The following CLVS1 variants were observed in gnomAD, a reference collection of about 807,000 sequenced individuals.
CLVS1 encodes the protein clavesin 1.
CLVS1 carries 10 observed loss-of-function variants against 33.1 expected under a neutral mutation model. The observed-to-expected ratio is 0.30, with a 90% confidence interval of 0.19 to 0.51. CLVS1 has a LOEUF of 0.51. Among genes scored for constraint, CLVS1 ranks in the 20% least tolerant of loss-of-function variants. The probability of loss-of-function intolerance (pLI) is 0.97; values close to 1 mark genes in which losing one functional copy is unlikely to be tolerated. For missense variants in CLVS1, 343 were observed against 433.4 expected (o/e 0.79, Z 1.85); for synonymous variants, 163 against 166.1 (o/e 0.98, Z 0.14).
At chr8:61,224,477 A>G (rs975027423) in intron 2 of CLVS1, among the ~76,000 whole-genome samples, 3 of 152,146 alleles carry the variant, frequency 2.0e-5, no homozygotes, top group Admixed American at 6.5e-5. Context: ...GGCCCTATTC[A>G]TCTGATTCAC....
intron 2 of CLVS1, among the ~76,000 whole-genome samples, chr8:61,160,450 A>G (rs1408197782): frequency 6.6e-6 from 1 of 152,162 alleles, no homozygotes; most frequent in African/African-American, 2.4e-5. Flanking sequence ...ATGCCTGCCA[A>G]CTCTGGCAGC....
the CLVS1 span, among the ~76,000 whole-genome samples, chr8:60,977,933 G>A: frequency 6.6e-6 from 1 of 152,204 alleles, no homozygotes; most frequent in East Asian, 1.9e-4. Flanking sequence ...AACTTGTTCT[G>A]TACAAGGAAT....
At chr8:61,028,896 C>G in the CLVS1 span, among the ~76,000 whole-genome samples, 7 of 152,216 alleles carry the variant, frequency 4.6e-5, no homozygotes, top group African/African-American at 1.4e-4. Flanking sequence ...GGAGCTTCCT[C>G]TGGCCTACAA....
intron 2 of CLVS1, among the ~76,000 whole-genome samples, chr8:61,282,815 A>C (rs2129593275): frequency 6.6e-6 from 1 of 152,346 alleles, no homozygotes; most frequent in Admixed American, 6.5e-5. Context: ...AAAGGGACTA[A>C]CACATAGTGT....
intron 2 of CLVS1, among the ~76,000 whole-genome samples, chr8:61,205,946 T>C (rs1177608083): frequency 6.6e-6 from 1 of 152,230 alleles, no homozygotes; most frequent in Non-Finnish European, 1.5e-5. Context: ...TGACTAGTTC[T>C]GTCTCTTTCA....
At chr8:61,046,875 T>G in the CLVS1 span, among the ~76,000 whole-genome samples, 1 of 152,126 alleles carries the variant, frequency 6.6e-6, no homozygotes, top group African/African-American at 2.4e-5. Context: ...CTTATCAGCT[T>G]AAGGAGATTT....
rs1419585571 is a variant in CLVS1, at chr8:61,484,400, T to G, written c.978-15055T>G. On this transcript the variant is annotated intron_variant, in intron 5 of 5. Transcript: ENST00000325897. ...CCAACTTACAAGGGATGTGAAGGAC[T>G]TATTCAAGGAGAACTACAAACCACT... Among the ~76,000 whole-genome samples the G allele has an allele frequency of 1.6e-4, 25 of 152,166 alleles. No homozygotes were observed. In the East Asian group the frequency reaches 4.4e-3, roughly 27 times the overall value.
intron 3 of CLVS1, among the ~76,000 whole-genome samples, chr8:61,384,730 C>G (rs190438071): frequency 2.2e-4 from 33 of 152,208 alleles, no homozygotes; most frequent in Non-Finnish European, 3.4e-4. Flanking sequence ...TAGGATGGAT[C>G]CATAGATTTG....
chr8:61,361,803 G>T (rs1393091344), intron 2 of CLVS1, among the ~76,000 whole-genome samples: 2 of 152,108 alleles, frequency 1.3e-5, no homozygotes, highest in African/African-American at 4.8e-5. Flanking sequence ...TATTATAAAA[G>T]AAATGGTATA....
chr8:61,213,702 C>T lies in CLVS1; in HGVS notation c.-152+81842C>T, dbSNP rs1808021506. On this transcript the variant is annotated intron_variant, in intron 2 of 2. Transcript: ENST00000522621. The stretch of plus-strand genomic sequence containing the variant: ...GAGGAGGATGTATGTTGCCTCAGGA[C>T]CCTGTAACAATTGCATTAATTGCAC... 2.6e-5 allele frequency among the ~76,000 whole-genome samples: 4 copies of T among 152,164 alleles called. No individual in the cohort carries two copies. In the South Asian group the frequency reaches 8.3e-4, roughly 32 times the overall value.
intron 1 of CLVS1, among the ~76,000 whole-genome samples, chr8:61,124,547 G>A (rs915896982): frequency 9.9e-5 from 15 of 152,046 alleles, no homozygotes; most frequent in African/African-American, 3.6e-4. Flanking sequence ...CTATTTTCTT[G>A]ACTATTTACT....
chr8:61,401,661 C>G (rs1039023337), intron 3 of CLVS1, among the ~76,000 whole-genome samples: 4 of 152,156 alleles, frequency 2.6e-5, no homozygotes, highest in Non-Finnish European at 5.9e-5. Flanking sequence ...CAATACTATT[C>G]CCATGAAACT....
At chr8:60,978,581 G>A in the CLVS1 span, among the ~76,000 whole-genome samples, 13 of 152,010 alleles carry the variant, frequency 8.6e-5, no homozygotes, top group Non-Finnish European at 1.5e-4. Flanking sequence ...TTGGAAGGCC[G>A]AGGCAGGCGG....
chr8:61,314,910 A>G (rs1254411421), intron 2 of CLVS1, among the ~76,000 whole-genome samples: 1 of 152,218 alleles, frequency 6.6e-6, no homozygotes, highest in African/African-American at 2.4e-5. Context: ...ATAGGTGAGA[A>G]ACCATGGGGA....
the CLVS1 span, among the ~76,000 whole-genome samples, chr8:61,012,779 T>C: frequency 6.6e-6 from 1 of 152,190 alleles, no homozygotes; most frequent in South Asian, 2.1e-4. Flanking sequence ...GCTCCTTTGT[T>C]TTTCATTCAT....
At chr8:61,285,959 GTTT>G (rs34918981), upstream of CLVS1, among the ~76,000 whole-genome samples, 321 of 135,130 alleles carry the variant, frequency 2.4e-3, no homozygotes, top group African/African-American at 6.0e-3. Context: ...TTTCCCTGTA[GTTT>G]TTTTTTTTTT....
chr8:60,971,069 TCC>T, the CLVS1 span, among the ~76,000 whole-genome samples: 3 of 143,438 alleles, frequency 2.1e-5, no homozygotes, highest in African/African-American at 7.7e-5. Context: ...TGATGACTTT[TCC>T]TTTTTTTTTT....
intron 2 of CLVS1, among the ~76,000 whole-genome samples, chr8:61,229,124 T>C (rs1808384839): frequency 6.6e-6 from 1 of 152,240 alleles, no homozygotes. Flanking sequence ...GTCATTTGAC[T>C]GTCTTGAGAA....
chr8:61,126,204 A>C (rs1040726489), intron 1 of CLVS1, among the ~76,000 whole-genome samples: 8 of 151,684 alleles, frequency 5.3e-5, no homozygotes, highest in African/African-American at 1.9e-4. Context: ...GCACACACAC[A>C]CTGTCTGACT....
Sources: gnomAD v4.1 joint callset for allele counts (sites outside exome capture counted in the v4.1 genomes callset) on GRCh38, gnomAD v4.1.1 for gene constraint, MANE v1.5 for transcripts, NCBI Gene and HGNC (gene_info 2026-07-23, HGNC 2026-07-21) for gene names.